The following FBXL17 variants were observed in gnomAD, a reference collection of about 807,000 sequenced individuals.
The protein encoded by FBXL17 is F-box/LRR-repeat protein 17.
FBXL17 carries 22 observed loss-of-function variants against 66.2 expected under a neutral mutation model. That is an observed-to-expected ratio of 0.33 (90% CI 0.24 to 0.47). The LOEUF is 0.47. Among genes scored for constraint, FBXL17 ranks in the 20% least tolerant of loss-of-function variants. The pLI, the probability that FBXL17 is intolerant of heterozygous loss-of-function variation, is 1.00. For missense variants in FBXL17, 878 were observed against 948.2 expected (o/e 0.93, Z 0.97); for synonymous variants, 474 against 400.5 (o/e 1.18, Z -2.19).
intron 1 of FBXL17, among the ~76,000 whole-genome samples, chr5:108,379,592 A>G (rs918703321): frequency 6.6e-6 from 1 of 152,224 alleles, no homozygotes; most frequent in Admixed American, 6.5e-5. Flanking sequence ...TAACAATTGT[A>G]ATTAATGACA....
In FBXL17 at chr5:108,025,998, C is replaced by T. The variant is rs1041445451; in HGVS notation, c.1746-4997G>A. Among the ~76,000 whole-genome samples, 8 of 152,026 alleles carry T rather than the reference C, an allele frequency of 5.3e-5. 1 individual carries two copies. The South Asian group carries it at 8.3e-4, about 16-fold the overall frequency. ...AATAATCCAATCCCAGTGCAGTAAA[C>T]GAATGGGTATAATTTATAGGTTTAC... On this transcript the variant is annotated intron_variant, in intron 6 of 8. Transcript: ENST00000542267.
intron 7 of FBXL17, among the ~76,000 whole-genome samples, chr5:107,914,106 C>CT (rs55869626): frequency 0.8 from 121,418 of 151,942 alleles, 48,901 homozygotes; most frequent in African/African-American, 0.83. Context: ...TCCAGTAAAA[C>CT]GGTGAAATGA....
At chr5:108,115,575 T>C (rs896616913) in intron 6 of FBXL17, among the ~76,000 whole-genome samples, 1 of 151,362 alleles carries the variant, frequency 6.6e-6, no homozygotes, top group African/African-American at 2.4e-5. Context: ...TTCAAGCTGC[T>C]GGGGGAAAGG....
intron 5 of FBXL17, among the ~76,000 whole-genome samples, chr5:108,209,366 G>C (rs759524743): frequency 1.3e-5 from 2 of 152,168 alleles, no homozygotes; most frequent in Non-Finnish European, 2.9e-5. Context: ...AGTGGTGAGA[G>C]AGGGCATCCT....
chr5:108,317,885 C>A (rs1759444439), intron 4 of FBXL17, among the ~76,000 whole-genome samples: 1 of 151,290 alleles, frequency 6.6e-6, no homozygotes, highest in Non-Finnish European at 1.5e-5. Flanking sequence ...TATGTATCTG[C>A]AAATAAATAA....
intron 7 of FBXL17, among the ~76,000 whole-genome samples, chr5:107,980,802 A>G (rs901053378): frequency 2.4e-4 from 35 of 148,498 alleles, no homozygotes; most frequent in African/African-American, 7.5e-4. Flanking sequence ...GACTACAGGC[A>G]CCCACCACCA....
intron 8 of FBXL17, chr5:107,880,575 C>T: frequency 9.8e-7 from 1 of 1,023,536 alleles, no homozygotes; most frequent in Non-Finnish European, 1.2e-6. Context: ...TTTGTTGGTC[C>T]CGAATGGCCA....
intron 4 of FBXL17, among the ~76,000 whole-genome samples, chr5:108,283,201 T>C (rs1028799465): frequency 2.0e-5 from 3 of 151,680 alleles, no homozygotes; most frequent in African/African-American, 7.2e-5. Flanking sequence ...CAAAGCAATC[T>C]TGAACAAAAA....
intron 7 of FBXL17, among the ~76,000 whole-genome samples, chr5:107,893,156 G>A (rs1369131370): frequency 1.3e-5 from 2 of 152,072 alleles, no homozygotes; most frequent in Admixed American, 6.6e-5. Flanking sequence ...GAAAAAGAAA[G>A]CACAAGAGGA....
At chr5:107,867,349 G>C (rs189192283) in intron 8 of FBXL17, among the ~76,000 whole-genome samples, 114 of 152,302 alleles carry the variant, frequency 7.5e-4, no homozygotes, top group African/African-American at 2.3e-3. Flanking sequence ...GGCTGTCAGG[G>C]AGTACTTGGA....
Position 108,321,155 on chromosome 5 carries a change from C to T in FBXL17, c.1506+27244G>A, listed in dbSNP as rs967168181. 2.0e-5 allele frequency among the ~76,000 whole-genome samples: 3 copies of T among 151,864 alleles called. No homozygotes were observed. The South Asian group carries it at 6.2e-4, about 31-fold the overall frequency. On this transcript the variant is annotated intron_variant, in intron 4 of 8. Coordinates refer to ENST00000542267, the MANE Select transcript of FBXL17 (RefSeq NM_001163315.3). ...CGTAAGAAATTATTACTACTATTAC[C>T]TATTATATGTCACACATGCACTTAT...
intron 4 of FBXL17, among the ~76,000 whole-genome samples, chr5:108,240,019 G>A (rs1044476598): frequency 2.0e-5 from 3 of 152,012 alleles, no homozygotes; most frequent in Non-Finnish European, 4.4e-5. Context: ...ATCATCTGCT[G>A]ACTAAAAAGA....
At chr5:108,225,374 T>C (rs886272221) in intron 4 of FBXL17, among the ~76,000 whole-genome samples, 2 of 152,224 alleles carry the variant, frequency 1.3e-5, no homozygotes, top group African/African-American at 4.8e-5. Context: ...TGTGATCTTA[T>C]TTGGAAATGG....
chr5:108,023,974 T>C (rs908794629), intron 6 of FBXL17, among the ~76,000 whole-genome samples: 1 of 152,188 alleles, frequency 6.6e-6, no homozygotes, highest in African/African-American at 2.4e-5. Context: ...CATTCATTAA[T>C]CATAGTCATG....
chr5:108,045,286 C>CA (rs1449129488), intron 6 of FBXL17, among the ~76,000 whole-genome samples: 2 of 151,848 alleles, frequency 1.3e-5, no homozygotes, highest in Non-Finnish European at 2.9e-5. Flanking sequence ...CAAAAAAATA[C>CA]AAAAAATTAG....
intron 1 of FBXL17, among the ~76,000 whole-genome samples, chr5:108,371,202 A>T (rs751389045): frequency 1.3e-5 from 2 of 152,318 alleles, no homozygotes; most frequent in Non-Finnish European, 2.9e-5. Flanking sequence ...CGTCAGTAGC[A>T]GAGCTGCAAT....
At chr5:108,361,487 TAC>T (rs1412698605) in intron 3 of FBXL17, among the ~76,000 whole-genome samples, 1 of 152,094 alleles carries the variant, frequency 6.6e-6, no homozygotes, top group East Asian at 1.9e-4. Context: ...TGATAAAGTT[TAC>T]AGTCTTCTTA....
At chr5:108,013,975 T>C (rs1754281176) in intron 7 of FBXL17, among the ~76,000 whole-genome samples, 1 of 152,202 alleles carries the variant, frequency 6.6e-6, no homozygotes, top group African/African-American at 2.4e-5. Context: ...CAGCTCCATT[T>C]AGAACTATCC....
intron 4 of FBXL17, among the ~76,000 whole-genome samples, chr5:108,334,695 C>G (rs1267338939): frequency 6.6e-6 from 1 of 152,172 alleles, no homozygotes; most frequent in Non-Finnish European, 1.5e-5. Flanking sequence ...CTATAAAATA[C>G]ATATTCAACA....
Sources: gnomAD v4.1 joint callset for allele counts (sites outside exome capture counted in the v4.1 genomes callset) on GRCh38, gnomAD v4.1.1 for gene constraint, MANE v1.5 for transcripts, NCBI Gene and HGNC (gene_info 2026-07-23, HGNC 2026-07-21) for gene names.